ASB3: variants seen among roughly 807,000 people sequenced by gnomAD.
The protein encoded by ASB3 is ankyrin repeat and SOCS box protein 3.
Under a neutral mutation model 54.5 loss-of-function variants are expected in ASB3, and 41 were observed. The observed-to-expected ratio is 0.75, with a 90% confidence interval of 0.59 to 0.98. The LOEUF (loss-of-function observed/expected upper bound fraction) is 0.98, where lower values mean the gene tolerates loss of function less well. Ranked by LOEUF, ASB3 falls within the 50% of genes least tolerant of loss-of-function variation. The pLI, the probability that ASB3 is intolerant of heterozygous loss-of-function variation, is 0.00. For synonymous variants in ASB3, 266 were observed against 221.2 expected, an observed-to-expected ratio of 1.20 and a Z score of -1.80; for missense variants, 733 against 620.0, an observed-to-expected ratio of 1.18 and a Z score of -1.94.
At chr2:53,745,406 T>C (rs1672169508) in intron 3 of ASB3, among the ~76,000 whole-genome samples, 1 of 152,234 alleles carries the variant, frequency 6.6e-6, no homozygotes, top group African/African-American at 2.4e-5. Flanking sequence ...GGTTTTCTCA[T>C]TTTGATTCCT....
chr2:53,752,677 G>A (rs991087424), intron 2 of ASB3, among the ~76,000 whole-genome samples: 1 of 152,210 alleles, frequency 6.6e-6, no homozygotes, highest in Non-Finnish European at 1.5e-5. Flanking sequence ...CAGTAGGGCA[G>A]GTAAGAGTAA....
chr2:53,672,369 A>G (rs905348278), intron 9 of ASB3, among the ~76,000 whole-genome samples: 1 of 152,206 alleles, frequency 6.6e-6, no homozygotes, highest in African/African-American at 2.4e-5. Flanking sequence ...TGTAAACTTA[A>G]AGGAGAAATG....
At chr2:53,780,800 AAATACAACCAG>A (rs1674602884) in intron 1 of ASB3, among the ~76,000 whole-genome samples, 1 of 152,188 alleles carries the variant, frequency 6.6e-6, no homozygotes. Flanking sequence ...CAAATAAATA[AAATACAACCAG>A]AATACAGAAA....
chr2:53,692,157 G>T (rs779097302), intron 9 of ASB3, among the ~76,000 whole-genome samples: 22 of 151,984 alleles, frequency 1.4e-4, no homozygotes, highest in South Asian at 2.1e-4. Flanking sequence ...ATGTCTACAG[G>T]GGGGGCAAAA....
rs551975904 is a variant in ASB3 at position 53,758,365 on chromosome 2, G to A, written c.196+7012C>T. On this transcript the variant is annotated intron_variant, in intron 2 of 9. Coordinates refer to ENST00000263634, the MANE Select transcript of ASB3 (RefSeq NM_016115.5). ...AAAGTTTAAGATTGATAATTAGGGC[G>A]TATTCCTACAAGGGAAAAGGACAAA... is the stretch of plus-strand genomic sequence containing the variant. Among the ~76,000 whole-genome samples the A allele has an allele frequency of 1.7e-4, 26 of 152,338 alleles. No homozygotes were observed. The South Asian group carries it at 5.2e-3, about 30-fold the overall frequency.
At chr2:53,678,114 C>G (rs956670926) in intron 9 of ASB3, among the ~76,000 whole-genome samples, 4 of 149,270 alleles carry the variant, frequency 2.7e-5, no homozygotes, top group African/African-American at 5.0e-5. Context: ...ATTAATATAC[C>G]CATCATCTCA....
At chr2:53,744,758 A>G (rs1399019533) in intron 3 of ASB3, among the ~76,000 whole-genome samples, 2 of 152,238 alleles carry the variant, frequency 1.3e-5, no homozygotes, top group African/African-American at 4.8e-5. Flanking sequence ...CCATGAAGAC[A>G]CTAATGAAAA....
chr2:53,727,653 GCAAA>G (rs925372864), intron 5 of ASB3, among the ~76,000 whole-genome samples: 46 of 152,174 alleles, frequency 3.0e-4, no homozygotes, highest in African/African-American at 8.4e-4. Context: ...CAATAAACAA[GCAAA>G]CAAACAAACT....
chr2:53,699,153 G>A (rs1669345464), intron 8 of ASB3, among the ~76,000 whole-genome samples: 1 of 152,150 alleles, frequency 6.6e-6, no homozygotes, highest in Non-Finnish European at 1.5e-5. Context: ...CTCGGTGAGA[G>A]AACAAAAGCA....
intron 1 of ASB3, among the ~76,000 whole-genome samples, chr2:53,785,765 T>G (rs570303970): frequency 6.6e-6 from 1 of 152,274 alleles, no homozygotes; most frequent in South Asian, 2.1e-4. Flanking sequence ...TCCCTTGAAC[T>G]CCAGAGGCGG....
chr2:53,712,729 G>C (rs976562526), intron 7 of ASB3, among the ~76,000 whole-genome samples: 4 of 151,616 alleles, frequency 2.6e-5, no homozygotes, highest in Non-Finnish European at 5.9e-5. Context: ...GGCCAAAAAA[G>C]ACCATCATCA....
At chr2:53,722,987 T>G (rs1432353194) in intron 5 of ASB3, among the ~76,000 whole-genome samples, 1 of 152,132 alleles carries the variant, frequency 6.6e-6, no homozygotes, top group East Asian at 1.9e-4. Flanking sequence ...ACAACTTCAG[T>G]AAAATTTCAG....
At chr2:53,740,913 G>A (rs1043265795) in intron 3 of ASB3, among the ~76,000 whole-genome samples, 1 of 152,190 alleles carries the variant, frequency 6.6e-6, no homozygotes, top group African/African-American at 2.4e-5. Flanking sequence ...TGTCTCCCCA[G>A]CAGCAGAGTC....
chr2:53,773,175 T>C (rs1410907351), intron 1 of ASB3, among the ~76,000 whole-genome samples: 1 of 152,168 alleles, frequency 6.6e-6, no homozygotes, highest in African/African-American at 2.4e-5. Flanking sequence ...TAACTCCTAA[T>C]TAAACAGTTA....
intron 9 of ASB3, among the ~76,000 whole-genome samples, chr2:53,678,508 A>T (rs1668202149): frequency 6.6e-6 from 1 of 152,232 alleles, no homozygotes; most frequent in South Asian, 2.1e-4. Flanking sequence ...GAAGTGGTTA[A>T]ATTAAAACTA....
At chr2:53,774,176 T>C in intron 1 of ASB3, 3 of 1,612,018 alleles carry the variant, frequency 1.9e-6, no homozygotes, top group South Asian at 1.1e-5. Flanking sequence ...AGATTGCCAG[T>C]AGGAAAGGAA....
At chr2:53,683,138 T>G (rs944387011) in intron 9 of ASB3, among the ~76,000 whole-genome samples, 2 of 152,142 alleles carry the variant, frequency 1.3e-5, no homozygotes, top group African/African-American at 2.4e-5. Context: ...TTTACTGAAT[T>G]GAGGCATACC....
At chr2:53,766,461 T>C (rs1484681172) in intron 1 of ASB3, among the ~76,000 whole-genome samples, 1 of 152,270 alleles carries the variant, frequency 6.6e-6, no homozygotes, top group Non-Finnish European at 1.5e-5. Context: ...ATCACAGTTA[T>C]TAGGAGAATG....
intron 2 of ASB3, among the ~76,000 whole-genome samples, chr2:53,753,856 G>C (rs1004313078): frequency 5.3e-5 from 8 of 151,910 alleles, no homozygotes; most frequent in African/African-American, 1.7e-4. Flanking sequence ...GGCCAGGCTG[G>C]TCTCAAACTC....
Sources: gnomAD v4.1 joint callset for allele counts (sites outside exome capture counted in the v4.1 genomes callset) on GRCh38, gnomAD v4.1.1 for gene constraint, MANE v1.5 for transcripts, NCBI Gene and HGNC (gene_info 2026-07-23, HGNC 2026-07-21) for gene names.